Variants in CFDP1 observed in about 807,000 individuals in gnomAD.
The protein encoded by CFDP1 is chromatin remodeling protein CFDP1.
In CFDP1, 31 loss-of-function variants were observed where a neutral mutation model predicts 40.1. The observed-to-expected ratio is 0.77, with a 90% CI of 0.58 to 1.04. CFDP1 has a LOEUF of 1.04. Among genes scored for constraint, CFDP1 ranks in the 50% least tolerant of loss-of-function variants. The pLI, the probability that CFDP1 is intolerant of heterozygous loss-of-function variation, is 0.00. For missense variants in CFDP1, 423 were observed against 343.4 expected, an observed-to-expected ratio of 1.23 and a Z score of -1.83; for synonymous variants, 167 against 120.0, an observed-to-expected ratio of 1.39 and a Z score of -2.56.
chr16:75,383,761 G>A (rs545888204), intron 5 of CFDP1, among the ~76,000 whole-genome samples: 2 of 145,524 alleles, frequency 1.4e-5, no homozygotes, highest in East Asian at 4.2e-4. Context: ...GGAGGTTGCA[G>A]TAAGCCGAGA....
At chr16:75,353,584 C>T (rs2078627034) in intron 5 of CFDP1, among the ~76,000 whole-genome samples, 2 of 151,784 alleles carry the variant, frequency 1.3e-5, no homozygotes, top group South Asian at 4.2e-4. Context: ...CCCATCTCTA[C>T]TAAAAATACA....
rs111297800 is a variant in CFDP1 at position 75,345,244 on chromosome 16, G to A, written c.651-40062C>T. Reference sequence around the variant, plus strand: ...GGCCGAGGCAGGTGGATCACTTAAGGTCAGGAGTTTGAGACCAGCCTGGCC... The same window carrying A: ...GGCCGAGGCAGGTGGATCACTTAAGATCAGGAGTTTGAGACCAGCCTGGCC... On this transcript the variant is annotated intron_variant, in intron 5 of 6. Transcript: ENST00000283882. Among the ~76,000 whole-genome samples the A allele has an allele frequency of 4.5e-3, 689 of 151,838 alleles. 1 individual carries two copies. The highest frequency in any genetic ancestry group is 0.016 in the African/African-American group (660 of 41,384).
At chr16:75,353,748 CAAAAAAAAAAAAAAAA>C (rs3975152) in intron 5 of CFDP1, among the ~76,000 whole-genome samples, 1 of 72,340 alleles carries the variant, frequency 1.4e-5, no homozygotes, top group East Asian at 5.6e-4. Context: ...AAGTCCGTCT[CAAAAAAAAAAAAAAAA>C]AAAAAAAAAA....
chr16:75,414,514 C>G (rs560914616), intron 2 of CFDP1, 64 bp downstream of exon 2: 1 of 952,122 alleles, frequency 1.1e-6, no homozygotes, highest in African/African-American at 1.6e-5. Flanking sequence ...TGAGACCAAT[C>G]TTAGCAATCA....
chr16:75,353,590 A>C (rs1251758270), intron 5 of CFDP1, among the ~76,000 whole-genome samples: 1 of 151,982 alleles, frequency 6.6e-6, no homozygotes, highest in Non-Finnish European at 1.5e-5. Flanking sequence ...TCTACTAAAA[A>C]TACAAAAAAT....
chr16:75,352,434 CAG>C (rs2078619394), intron 5 of CFDP1, among the ~76,000 whole-genome samples: 1 of 151,642 alleles, frequency 6.6e-6, no homozygotes, highest in Non-Finnish European at 1.5e-5. Flanking sequence ...GGGAACCAAA[CAG>C]AGAAGGAGAT....
At chr16:75,405,805 G>A (rs1224936744) in intron 4 of CFDP1, among the ~76,000 whole-genome samples, 1 of 149,114 alleles carries the variant, frequency 6.7e-6, no homozygotes, top group Non-Finnish European at 1.5e-5. Flanking sequence ...TGCAGTCCTA[G>A]CTGCTAAGGA....
At chr16:75,425,268 T>C (rs2079324988) in intron 1 of CFDP1, among the ~76,000 whole-genome samples, 1 of 151,614 alleles carries the variant, frequency 6.6e-6, no homozygotes, top group Non-Finnish European at 1.5e-5. Context: ...ACGTCTGTAG[T>C]ACCAGCTACA....
chr16:75,323,123 T>A (rs754259106), intron 5 of CFDP1, among the ~76,000 whole-genome samples: 12 of 152,160 alleles, frequency 7.9e-5, no homozygotes, highest in Non-Finnish European at 1.5e-4. Context: ...TAGTAATGCT[T>A]AGCTTAAAAC....
At chr16:75,358,890 C>G (rs1311495938) in intron 5 of CFDP1, among the ~76,000 whole-genome samples, 1 of 151,954 alleles carries the variant, frequency 6.6e-6, no homozygotes, top group African/African-American at 2.4e-5. Flanking sequence ...TTGAGAATGT[C>G]TAATGAAATC....
chr16:75,332,344 A>C (rs2078452151), intron 5 of CFDP1, among the ~76,000 whole-genome samples: 1 of 152,084 alleles, frequency 6.6e-6, no homozygotes, highest in Non-Finnish European at 1.5e-5. Flanking sequence ...ACGCACCTAT[A>C]ATCCCAGCTA....
At chr16:75,312,347 G>C (rs868058864) in intron 5 of CFDP1, among the ~76,000 whole-genome samples, 116 of 152,308 alleles carry the variant, frequency 7.6e-4, no homozygotes, top group African/African-American at 2.7e-3. Flanking sequence ...TAAACCTTTT[G>C]TGGCTTGAAA....
At chr16:75,367,565 G>C (rs1448772106) in intron 5 of CFDP1, among the ~76,000 whole-genome samples, 1 of 151,926 alleles carries the variant, frequency 6.6e-6, no homozygotes, top group Non-Finnish European at 1.5e-5. Flanking sequence ...GGTCGAGGTG[G>C]GCAGATCACC....
At chr16:75,344,667 C>A (rs951467649) in intron 5 of CFDP1, among the ~76,000 whole-genome samples, 1 of 152,206 alleles carries the variant, frequency 6.6e-6, no homozygotes, top group African/African-American at 2.4e-5. Context: ...GGCACAGTGG[C>A]TCACACCTGT....
intron 6 of CFDP1, among the ~76,000 whole-genome samples, chr16:75,303,400 A>AATGTATGTATGTATGTATGTATGT (rs71380717): frequency 2.2e-4 from 32 of 146,168 alleles, no homozygotes; most frequent in Admixed American, 3.4e-4. Context: ...TAAATAAATA[A>AATGTATGTATGTATGTATGTATGT]ATGTATGTAT....
intron 5 of CFDP1, among the ~76,000 whole-genome samples, chr16:75,346,581 T>TAAAAAA (rs2078566579): frequency 6.7e-5 from 1 of 14,964 alleles, no homozygotes; most frequent in African/African-American, 2.5e-4. Context: ...AGACTCTGTC[T>TAAAAAA]CAAAAAAAAA....
chr16:75,387,535 A>G (rs2078909740), intron 5 of CFDP1, among the ~76,000 whole-genome samples: 3 of 152,138 alleles, frequency 2.0e-5, no homozygotes, highest in Non-Finnish European at 4.4e-5. Flanking sequence ...AATCATTTCC[A>G]TTGTCACCAC....
chr16:75,368,696 T>A (rs957221214), intron 5 of CFDP1, among the ~76,000 whole-genome samples: 3 of 151,884 alleles, frequency 2.0e-5, no homozygotes, highest in African/African-American at 7.3e-5. Flanking sequence ...TTCTTTTTTT[T>A]TTTTAGACAG....
chr16:75,309,819 CAAAAAAAAA>C (rs1156624164), intron 5 of CFDP1, among the ~76,000 whole-genome samples: 4 of 46,482 alleles, frequency 8.6e-5, no homozygotes, highest in Non-Finnish European at 1.4e-4. Flanking sequence ...GACTCCATCT[CAAAAAAAAA>C]AAAAAAAAAA....
Sources: gnomAD v4.1 joint callset for allele counts (sites outside exome capture counted in the v4.1 genomes callset) on GRCh38, gnomAD v4.1.1 for gene constraint, MANE v1.5 for transcripts, NCBI Gene and HGNC (gene_info 2026-07-23, HGNC 2026-07-21) for gene names.